FSTL4: variants seen among roughly 807,000 people sequenced by gnomAD.
The protein encoded by FSTL4 is follistatin-related protein 4.
A neutral mutation model predicts 78.2 loss-of-function variants in FSTL4; 28 were observed. That is an observed-to-expected ratio of 0.36 (90% confidence interval 0.27 to 0.49). FSTL4 has a LOEUF of 0.49. Ranked by LOEUF, FSTL4 falls within the 20% of genes least tolerant of loss-of-function variation. The pLI is 0.98. For synonymous variants in FSTL4, 422 were observed against 440.5 expected (o/e 0.96, Z 0.53); for missense variants, 922 against 1,084.9 (o/e 0.85, Z 2.11).
At chr5:133,701,422 G>GAAAGA in the FSTL4 span, among the ~76,000 whole-genome samples, 1 of 132,938 alleles carries the variant, frequency 7.5e-6, no homozygotes, top group Non-Finnish European at 1.6e-5. Context: ...AAAAAAGAAA[G>GAAAGA]AAAGAAAAGA....
chr5:133,543,989 G>A (rs1475679254), intron 3 of FSTL4, among the ~76,000 whole-genome samples: 1 of 151,740 alleles, frequency 6.6e-6, no homozygotes, highest in Non-Finnish European at 1.5e-5. Context: ...TAAGTTTATA[G>A]GTATCTTTTT....
At chr5:133,688,970 G>A in the FSTL4 span, among the ~76,000 whole-genome samples, 18 of 152,138 alleles carry the variant, frequency 1.2e-4, no homozygotes, top group East Asian at 5.8e-4. Flanking sequence ...GGTGGCAGCC[G>A]CTCACTCAGG....
chr5:133,500,737 C>A (rs915211453), intron 3 of FSTL4, among the ~76,000 whole-genome samples: 5 of 152,072 alleles, frequency 3.3e-5, no homozygotes, highest in Non-Finnish European at 7.4e-5. Context: ...GATAAAATAG[C>A]CAAACCTATT....
chr5:133,701,509 A>ACACACCCCCCCC, the FSTL4 span, among the ~76,000 whole-genome samples: 8 of 132,694 alleles, frequency 6.0e-5, no homozygotes, highest in Non-Finnish European at 8.0e-5. Context: ...ACACACACAC[A>ACACACCCCCCCC]CCCCACAGGC....
Position 133,359,189 on chromosome 5 carries a change from A to G in FSTL4, c.409+41549T>C, listed in dbSNP as rs1032213435. On this transcript the variant is annotated intron_variant, in intron 4 of 15. Transcript: ENST00000265342. ...GCCATTCTGTGTGCCTTTCTCACTA[A>G]TATTGGTAATGCTGCCACCTACATC... 2.6e-5 allele frequency among the ~76,000 whole-genome samples: 4 copies of G among 152,328 alleles called. No individual in the cohort carries two copies. The East Asian group carries it at 7.7e-4, about 29-fold the overall frequency.
chr5:133,512,145 C>G (rs796769390), intron 3 of FSTL4, among the ~76,000 whole-genome samples: 2 of 152,154 alleles, frequency 1.3e-5, no homozygotes, highest in South Asian at 2.1e-4. Flanking sequence ...CTCCAAAGCC[C>G]AAAGCCCACG....
chr5:133,636,842 A>G, the FSTL4 span, among the ~76,000 whole-genome samples: 1 of 152,224 alleles, frequency 6.6e-6, no homozygotes, highest in South Asian at 2.1e-4. Context: ...AATTATTGCT[A>G]TGTTTTGAAC....
At chr5:133,768,877 C>G in the FSTL4 span, among the ~76,000 whole-genome samples, 2 of 152,334 alleles carry the variant, frequency 1.3e-5, no homozygotes, top group East Asian at 3.9e-4. Flanking sequence ...TACCTTGATG[C>G]TCAAGAAAGA....
chr5:133,323,727 G>A (rs1218926416), intron 4 of FSTL4, among the ~76,000 whole-genome samples: 1 of 152,232 alleles, frequency 6.6e-6, no homozygotes, highest in African/African-American at 2.4e-5. Flanking sequence ...ACATGCGTGG[G>A]GCTCCTCCTG....
intron 4 of FSTL4, among the ~76,000 whole-genome samples, chr5:133,385,618 G>A (rs1319082169): frequency 6.6e-6 from 1 of 152,216 alleles, no homozygotes; most frequent in Non-Finnish European, 1.5e-5. Flanking sequence ...CTCCTCTGAG[G>A]TGAGCCATAC....
the FSTL4 span, among the ~76,000 whole-genome samples, chr5:133,708,445 G>A: frequency 6.6e-6 from 1 of 152,120 alleles, no homozygotes; most frequent in African/African-American, 2.4e-5. Context: ...TATGTGACCT[G>A]ATTACTCTCC....
intron 12 of FSTL4, among the ~76,000 whole-genome samples, chr5:133,218,042 C>T (rs1418432926): frequency 3.3e-5 from 5 of 152,170 alleles, no homozygotes; most frequent in Non-Finnish European, 7.3e-5. Flanking sequence ...TTAGCCCAGG[C>T]CTCTTCCCCG....
At chr5:133,831,509 C>T in the FSTL4 span, among the ~76,000 whole-genome samples, 1 of 152,004 alleles carries the variant, frequency 6.6e-6, no homozygotes, top group African/African-American at 2.4e-5. Context: ...ATACCATTAC[C>T]ATTCATATCA....
the FSTL4 span, among the ~76,000 whole-genome samples, chr5:133,638,167 A>G: frequency 6.6e-6 from 1 of 151,868 alleles, no homozygotes; most frequent in Non-Finnish European, 1.5e-5. Context: ...TCTTAGCTCC[A>G]CTTTCCCAAT....
intron 3 of FSTL4, among the ~76,000 whole-genome samples, chr5:133,484,849 A>G (rs1378366479): frequency 6.6e-6 from 1 of 152,218 alleles, no homozygotes; most frequent in Non-Finnish European, 1.5e-5. Context: ...CATAGGTGTC[A>G]TAGAATTAGT....
chr5:133,732,869 C>T, the FSTL4 span, among the ~76,000 whole-genome samples: 1 of 152,196 alleles, frequency 6.6e-6, no homozygotes, highest in Non-Finnish European at 1.5e-5. Context: ...ATATCCAGAC[C>T]CAGCCAGTGA....
At chr5:133,315,916 G>A (rs1581613346) in intron 5 of FSTL4, among the ~76,000 whole-genome samples, 1 of 152,222 alleles carries the variant, frequency 6.6e-6, no homozygotes, top group South Asian at 2.1e-4. Context: ...CATGTGTGCT[G>A]TGTTGAACAC....
At chr5:133,593,600 A>G (rs773567866) in intron 2 of FSTL4, among the ~76,000 whole-genome samples, 1 of 152,162 alleles carries the variant, frequency 6.6e-6, no homozygotes, top group African/African-American at 2.4e-5. Context: ...CAGATCTGCT[A>G]TCAGCCACAT....
the FSTL4 span, among the ~76,000 whole-genome samples, chr5:133,640,214 C>T: frequency 6.6e-6 from 1 of 152,200 alleles, no homozygotes; most frequent in African/African-American, 2.4e-5. Context: ...AAGATGGCAT[C>T]TCCTCATTAG....
Sources: allele counts gnomAD v4.1 joint callset (sites outside exome capture counted in the v4.1 genomes callset), GRCh38; gene constraint gnomAD v4.1.1; transcripts MANE v1.5; gene names NCBI Gene and HGNC (gene_info 2026-07-23, HGNC 2026-07-21).